The following APAF1 variants were observed in gnomAD, a reference collection of about 807,000 sequenced individuals.
The protein encoded by APAF1 is apoptotic peptidase activating factor 1.
Under a neutral mutation model 152.4 loss-of-function variants are expected in APAF1, and 91 were observed. The observed-to-expected ratio is 0.60, with a 90% CI of 0.50 to 0.71. The LOEUF is 0.71. Ranked by LOEUF, APAF1 falls within the 30% of genes least tolerant of loss-of-function variation. The pLI is 0.00. For synonymous variants in APAF1, 484 were observed against 494.1 expected (o/e 0.98, Z 0.27); for missense variants, 1,283 against 1,472.0 (o/e 0.87, Z 2.10).
At chr12:98,699,672 T>G in intron 17 of APAF1, 103 bp downstream of exon 17, 1 of 1,345,266 alleles carries the variant, frequency 7.4e-7, no homozygotes, top group Non-Finnish European at 1.0e-6. Context: ...AAAGTCTAGC[T>G]GTGTGATTTT....
Position 98,667,522 on chromosome 12 carries a change from A to G in APAF1, c.1372A>G (p.Lys458Glu), listed in dbSNP as rs755160411. 9.9e-6 allele frequency: 16 copies of G among 1,613,818 alleles called. No individual in the cohort carries two copies. Among genetic ancestry groups the G allele is most frequent in the Non-Finnish European group, 1.4e-5 (16 of 1,179,932 alleles). ...KNCSQLQDLH[K>E]KIITQFQRYH... ...TTTCATTGGGTTGCAGGATCTACAT[A>G]AGAAGATAATCACTCAGTTTCAGAG... is the stretch of plus-strand genomic sequence containing the variant. The change falls in exon 10 of 27, where the codon AAG becomes GAG. Residue 458 changes from lysine to glutamate, a missense_variant. Coordinates refer to ENST00000551964, the MANE Select transcript of APAF1 (RefSeq NM_181861.2).
chr12:98,721,575 C>G (rs1276436222), intron 22 of APAF1, among the ~76,000 whole-genome samples: 2 of 152,162 alleles, frequency 1.3e-5, no homozygotes, highest in African/African-American at 4.8e-5. Context: ...CATTTCTTCC[C>G]CTTCCCCCAG....
chr12:98,699,393 TA>T lies in APAF1; in HGVS notation c.2305-14del. On this transcript the variant is annotated splice_polypyrimidine_tract_variant and intron_variant, in intron 16 of 26. Coordinates refer to ENST00000551964, the MANE Select transcript of APAF1 (RefSeq NM_181861.2). ...GTAAAACAAACTTTTTCTTTTTTAT[TA>T]CTTTAATTCAAAGCTTTGGGATGCG... 6.2e-7 allele frequency: 1 copy of T among 1,612,828 alleles called. No homozygotes were observed.
At chr12:98,712,213 G>C in intron 20 of APAF1, 106 bp from the exon 21 acceptor site, 1 of 744,462 alleles carries the variant, frequency 1.3e-6, no homozygotes, top group Non-Finnish European at 2.4e-6. Flanking sequence ...GCTCTTGTTG[G>C]TTATTTTCTG....
Position 98,662,834 on chromosome 12 carries a change from G to C in APAF1, c.955+28G>C, listed in dbSNP as rs771508556. 3.8e-6 allele frequency: 6 copies of C among 1,586,234 alleles called. No individual in the cohort carries two copies. The South Asian group carries it at 4.5e-5, about 12-fold the overall frequency. On this transcript the variant is annotated intron_variant, in intron 7 of 26. Transcript: ENST00000551964. ...ATGGTTATTTATTTGTTTATGAGGA[G>C]ATTATAGGGAGTTATATAATTTCCC...
intron 7 of APAF1, among the ~76,000 whole-genome samples, chr12:98,664,145 A>G (rs1241760189): frequency 2.0e-5 from 3 of 151,830 alleles, no homozygotes; most frequent in African/African-American, 4.8e-5. Context: ...TCAGCCCCCT[A>G]GTAGCTGGGA....
chr12:98,649,465 C>T, intron 3 of APAF1, 22 bp from the exon 4 acceptor site: 1 of 1,610,782 alleles, frequency 6.2e-7, no homozygotes, highest in Non-Finnish European at 8.5e-7. Flanking sequence ...TTCATTCATG[C>T]TTGTTTTGTT....
intron 4 of APAF1, among the ~76,000 whole-genome samples, chr12:98,655,721 C>G (rs1014973067): frequency 3.3e-5 from 5 of 152,054 alleles, no homozygotes; most frequent in African/African-American, 1.2e-4. Context: ...TCAGGTCATC[C>G]TCCCACCTCA....
intron 25 of APAF1, among the ~76,000 whole-genome samples, 160 bp downstream of exon 25, chr12:98,725,700 G>C (rs186023952): frequency 6.6e-5 from 10 of 152,302 alleles, no homozygotes; most frequent in Admixed American, 2.0e-4. Context: ...ATTCACAGCT[G>C]CACTCCACTG....
intron 5 of APAF1, among the ~76,000 whole-genome samples, chr12:98,660,235 A>G (rs2097663310): frequency 1.3e-5 from 2 of 152,040 alleles, no homozygotes; most frequent in South Asian, 4.2e-4. Flanking sequence ...GGTCCCAGCT[A>G]CTCAGGAGGC....
In APAF1 at chr12:98,659,334, A is replaced by G. The variant is rs748315424; in HGVS notation, c.701A>G (p.Lys234Arg). ...KDRLRILMLR[K>R]HPRSLLILDD... ...CGTCTCCGCATTCTGATGCTTCGCA[A>G]ACACCCAAGGTACCGATGGTCAAAT... Residue 234 changes from lysine to arginine, a missense_variant, in exon 5 of 27, where the codon AAA (lysine) becomes AGA (arginine). Coordinates refer to ENST00000551964, the MANE Select transcript of APAF1 (RefSeq NM_181861.2). 1.5e-5 allele frequency: 24 copies of G among 1,614,070 alleles called. No individual in the cohort carries two copies. The highest frequency in any genetic ancestry group is 1.6e-4 in the Middle Eastern group (1 of 6,084).
chr12:98,716,126 C>T (rs769416375), intron 22 of APAF1, among the ~76,000 whole-genome samples: 1 of 152,176 alleles, frequency 6.6e-6, no homozygotes, highest in Admixed American at 6.5e-5. Flanking sequence ...CCCCATTTCT[C>T]GTTCTCCAGA....
At chr12:98,686,483 TTTAG>T (rs1275244830) in intron 15 of APAF1, among the ~76,000 whole-genome samples, 2 of 152,218 alleles carry the variant, frequency 1.3e-5, no homozygotes, top group Non-Finnish European at 2.9e-5. Flanking sequence ...GTAGTAATTG[TTTAG>T]TTAGTTATTT....
At position 98,656,254 on chromosome 12, in the gene APAF1, A is replaced by G. The variant is rs77957517; in HGVS notation, c.527-2906A>G. Among the ~76,000 whole-genome samples the G allele has an allele frequency of 9.8e-3, 1,497 of 152,314 alleles. 20 individuals carry two copies. Among genetic ancestry groups the G allele is most frequent in the African/African-American group, 0.035 (1,436 of 41,574 alleles). ...CTTATCCTAGAGATAATCTTGGTTA[A>G]CAATTCGGAGTAAATTTTTCCAAAC... is the stretch of plus-strand genomic sequence containing the variant. On this transcript the variant is annotated intron_variant, in intron 4 of 26. Transcript: ENST00000551964.
Position 98,732,579 on chromosome 12 carries a change from T to A in APAF1, c.*13T>A. On this transcript the variant is annotated 3_prime_UTR_variant, in exon 27 of 27. Coordinates refer to ENST00000551964, the MANE Select transcript of APAF1 (RefSeq NM_181861.2). Reference sequence around the variant, plus strand: ...GACTTTAGAATAAAATAGTTAAGCATTAATGTAGTTGAACTTTTTAAATTT... The same window carrying A: ...GACTTTAGAATAAAATAGTTAAGCAATAATGTAGTTGAACTTTTTAAATTT... 1 of 1,520,762 alleles carries A rather than the reference T, an allele frequency of 6.6e-7. No individual in the cohort carries two copies. Among genetic ancestry groups the A allele is most frequent in the Non-Finnish European group, 9.1e-7 (1 of 1,103,014 alleles). The allele number at this position is 1,520,762 out of a possible 1,614,324, so 94.2% of individuals were successfully genotyped here.
rs182026131 is a variant in APAF1, at chr12:98,729,160, C to T, written c.3600+1844C>T. On this transcript the variant is annotated intron_variant, in intron 26 of 26. Coordinates refer to ENST00000551964, the MANE Select transcript of APAF1 (RefSeq NM_181861.2). ...CTCAGAGAGTTAGCAGAGGCTTCAC[C>T]TGGAGGGGAATGCTTGAAGTGAGTC... 6.6e-5 allele frequency among the ~76,000 whole-genome samples: 10 copies of T among 152,308 alleles called. No homozygotes were observed. In the East Asian group the frequency reaches 1.9e-3, roughly 29 times the overall value.
intron 11 of APAF1, 62 bp from the exon 12 acceptor site, chr12:98,671,473 A>T: frequency 6.6e-7 from 1 of 1,522,154 alleles, no homozygotes; most frequent in Non-Finnish European, 9.1e-7. Flanking sequence ...AGATCACAGA[A>T]ATGGAAAAAT....
chr12:98,665,774 G>A lies in APAF1; in HGVS notation c.1177G>A (p.Val393Ile), dbSNP rs570250043. 22 of 1,612,602 alleles carry A rather than the reference G, an allele frequency of 1.4e-5. No homozygotes were observed. The East Asian group carries it at 4.0e-4, about 29-fold the overall frequency. ...YTDLSILQKD[V>I]KVPTKVLCIL... ...AGATCTTTCCATCCTTCAGAAGGACGTTAAGGTGCCTACAAAGGTAATGGG... is the reference window on the plus strand; with the variant it reads ...AGATCTTTCCATCCTTCAGAAGGACATTAAGGTGCCTACAAAGGTAATGGG... Residue 393 changes from valine (V) to isoleucine (I), a missense_variant, in exon 8 of 27, where the codon GTT becomes ATT. By Grantham distance (29) the Val-to-Ile change is conservative. Coordinates refer to ENST00000551964, the MANE Select transcript of APAF1 (RefSeq NM_181861.2).
chr12:98,694,762 A>C (rs1306979904), intron 16 of APAF1, among the ~76,000 whole-genome samples: 1 of 152,196 alleles, frequency 6.6e-6, no homozygotes, highest in South Asian at 2.1e-4. Flanking sequence ...TATCTTAGCT[A>C]TCTGATCCTT....
Sources: allele counts gnomAD v4.1 joint callset (sites outside exome capture counted in the v4.1 genomes callset), GRCh38; gene constraint gnomAD v4.1.1; transcripts MANE v1.5; gene names NCBI Gene and HGNC (gene_info 2026-07-23, HGNC 2026-07-21).